The following GPC5 variants were observed in gnomAD, a reference collection of about 807,000 sequenced individuals.
GPC5 encodes glypican 5, also known as glypican-5.
Under a neutral mutation model 53.9 loss-of-function variants are expected in GPC5, and 47 were observed. The observed-to-expected ratio is 0.87, with a 90% confidence interval of 0.69 to 1.11. The LOEUF (loss-of-function observed/expected upper bound fraction) is 1.11, where lower values mean the gene tolerates loss of function less well. Among genes scored for constraint, GPC5 ranks in the 50% most tolerant of loss-of-function variants. The pLI is 0.00. For synonymous variants in GPC5, 286 were observed against 263.3 expected, an observed-to-expected ratio of 1.09 and a Z score of -0.84; for missense variants, 748 against 713.1, an observed-to-expected ratio of 1.05 and a Z score of -0.56.
intron 7 of GPC5, among the ~76,000 whole-genome samples, chr13:92,763,073 T>G (rs908043713): frequency 1.3e-5 from 2 of 152,216 alleles, no homozygotes; most frequent in Non-Finnish European, 2.9e-5. Context: ...TTCTTACAAA[T>G]TATTTTTTAA....
intron 7 of GPC5, among the ~76,000 whole-genome samples, chr13:92,185,895 T>C (rs2042180512): frequency 6.6e-6 from 1 of 152,186 alleles, no homozygotes; most frequent in Non-Finnish European, 1.5e-5. Flanking sequence ...GTTTTCATTT[T>C]ACAGCTTGAT....
At chr13:91,741,748 A>G (rs2036938626) in intron 4 of GPC5, among the ~76,000 whole-genome samples, 1 of 152,198 alleles carries the variant, frequency 6.6e-6, no homozygotes, top group African/African-American at 2.4e-5. Context: ...ATGTTTGTTT[A>G]GATGGTAAAT....
chr13:92,141,284 A>AT (rs1476924024), intron 6 of GPC5, among the ~76,000 whole-genome samples: 5 of 152,278 alleles, frequency 3.3e-5, no homozygotes, highest in African/African-American at 1.2e-4. Flanking sequence ...AAAGGGAGAT[A>AT]TTGACCCTAC....
At chr13:91,669,406 A>G (rs1292265570) in intron 2 of GPC5, among the ~76,000 whole-genome samples, 1 of 152,220 alleles carries the variant, frequency 6.6e-6, no homozygotes, top group Non-Finnish European at 1.5e-5. Context: ...ATAGAATAGT[A>G]CATTGCTAAG....
At chr13:91,871,083 G>A (rs1246913807) in intron 5 of GPC5, among the ~76,000 whole-genome samples, 1 of 152,158 alleles carries the variant, frequency 6.6e-6, no homozygotes, top group African/African-American at 2.4e-5. Flanking sequence ...TATGTGTTAT[G>A]TGCCTGCATT....
At chr13:92,751,322 A>AC (rs1889390180) in intron 7 of GPC5, among the ~76,000 whole-genome samples, 3 of 148,308 alleles carry the variant, frequency 2.0e-5, no homozygotes, top group Non-Finnish European at 4.5e-5. Context: ...AAAAAAAAAA[A>AC]AAAAAAAAAA....
At chr13:92,101,479 G>A (rs962833392) in intron 6 of GPC5, among the ~76,000 whole-genome samples, 7 of 152,124 alleles carry the variant, frequency 4.6e-5, no homozygotes, top group African/African-American at 1.7e-4. Flanking sequence ...GATTCCCAAT[G>A]TGTTTTTATG....
chr13:92,483,496 C>T (rs1879433294), intron 7 of GPC5, among the ~76,000 whole-genome samples: 1 of 152,150 alleles, frequency 6.6e-6, no homozygotes, highest in African/African-American at 2.4e-5. Context: ...ATGGAGCTTT[C>T]AGGCCACAAA....
intron 3 of GPC5, among the ~76,000 whole-genome samples, chr13:91,694,833 T>A (rs1226879467): frequency 2.0e-5 from 3 of 152,204 alleles, no homozygotes; most frequent in Non-Finnish European, 4.4e-5. Context: ...GGTCTCGAAC[T>A]CTTGACCTCA....
chr13:92,033,656 A>G (rs920033401), intron 6 of GPC5, among the ~76,000 whole-genome samples: 4 of 152,180 alleles, frequency 2.6e-5, no homozygotes, highest in African/African-American at 4.8e-5. Context: ...TTCAGTGTCA[A>G]TATTAGTAAA....
At chr13:92,475,566 T>C (rs188826951) in intron 7 of GPC5, among the ~76,000 whole-genome samples, 6 of 151,966 alleles carry the variant, frequency 3.9e-5, no homozygotes, top group Non-Finnish European at 7.4e-5. Context: ...TCCTGAGACT[T>C]TGCTGAAGTT....
At chr13:91,620,306 A>T (rs1444788155) in intron 2 of GPC5, among the ~76,000 whole-genome samples, 2 of 152,150 alleles carry the variant, frequency 1.3e-5, no homozygotes, top group East Asian at 3.9e-4. Context: ...TGCTAAAGAT[A>T]GGCTTTAACA....
intron 1 of GPC5, among the ~76,000 whole-genome samples, chr13:91,422,010 C>G (rs373161330): frequency 2.0e-5 from 3 of 152,166 alleles, no homozygotes; most frequent in South Asian, 2.1e-4. Flanking sequence ...TGGGATGGAG[C>G]CTTGAAACGT....
At chr13:92,511,762 A>G (rs1225340049) in intron 7 of GPC5, among the ~76,000 whole-genome samples, 1 of 152,090 alleles carries the variant, frequency 6.6e-6, no homozygotes, top group African/African-American at 2.4e-5. Context: ...GCTCTTTGAC[A>G]TTTTCCATTG....
chr13:91,918,356 A>G (rs2139012767), intron 6 of GPC5, among the ~76,000 whole-genome samples: 1 of 152,234 alleles, frequency 6.6e-6, no homozygotes, highest in East Asian at 1.9e-4. Flanking sequence ...CATATATTTT[A>G]CTATTTTATG....
At chr13:91,603,394 C>T (rs908699133) in intron 2 of GPC5, among the ~76,000 whole-genome samples, 3 of 152,224 alleles carry the variant, frequency 2.0e-5, no homozygotes, top group African/African-American at 7.2e-5. Flanking sequence ...CTTAGAAGTG[C>T]ACATCTTTGT....
intron 4 of GPC5, among the ~76,000 whole-genome samples, chr13:91,755,491 G>A (rs2140124185): frequency 6.6e-6 from 1 of 152,068 alleles, no homozygotes; most frequent in East Asian, 1.9e-4. Flanking sequence ...AGGCCTTTAG[G>A]ACTTGGCCTT....
chr13:92,306,704 G>A (rs995513110), intron 7 of GPC5, among the ~76,000 whole-genome samples: 16 of 152,142 alleles, frequency 1.1e-4, no homozygotes, highest in Admixed American at 2.0e-4. Flanking sequence ...AGTTACCTTG[G>A]AGCTTGATTG....
intron 2 of GPC5, among the ~76,000 whole-genome samples, chr13:91,479,527 C>A (rs1237070666): frequency 6.6e-6 from 1 of 152,060 alleles, no homozygotes; most frequent in African/African-American, 2.4e-5. Context: ...ACTAGAAAAA[C>A]AGATGGTTAT....
Sources: allele counts gnomAD v4.1 joint callset (sites outside exome capture counted in the v4.1 genomes callset), GRCh38; gene constraint gnomAD v4.1.1; transcripts MANE v1.5; gene names NCBI Gene and HGNC (gene_info 2026-07-23, HGNC 2026-07-21).